The following PTTG1IP variants were observed in gnomAD, a reference collection of about 807,000 sequenced individuals.
PTTG1IP encodes pituitary tumor-transforming gene 1 protein-interacting protein.
PTTG1IP carries 16 observed loss-of-function variants against 24.4 expected under a neutral mutation model. The ratio of observed to expected loss-of-function variants is 0.66; its 90% confidence interval spans 0.44 to 1.00. PTTG1IP has a LOEUF of 1.00. Among genes scored for constraint, PTTG1IP ranks in the 50% least tolerant of loss-of-function variants. The pLI, the probability that PTTG1IP is intolerant of heterozygous loss-of-function variation, is 0.00. For synonymous variants in PTTG1IP, 89 were observed against 96.8 expected, an observed-to-expected ratio of 0.92 and a Z score of 0.47; for missense variants, 241 against 245.8, an observed-to-expected ratio of 0.98 and a Z score of 0.13.
intron 1 of PTTG1IP, 41 bp downstream of exon 1, chr21:44,873,460 GC>G: frequency 7.5e-7 from 1 of 1,335,106 alleles, no homozygotes; most frequent in Non-Finnish European, 9.5e-7. Flanking sequence ...CCCACCAGCC[GC>G]CCCGCCCCCT....
At chr21:44,868,424 C>T (rs2282113) in intron 1 of PTTG1IP, among the ~76,000 whole-genome samples, 28,929 of 152,150 alleles carry the variant, frequency 0.19, 3,425 homozygotes, top group South Asian at 0.3. Flanking sequence ...GTGGTTTCTA[C>T]GTGCTGTTCC....
Position 44,850,265 on chromosome 21 carries a change from C to T in PTTG1IP, c.*1316G>A, listed in dbSNP as rs1248465187. ...TCCCAAAGCAAAATGTTTTAAAATT[C>T]AAGGCAATCTGGAACAGGGACTATT... On this transcript the variant is annotated 3_prime_UTR_variant, in exon 6 of 6. Coordinates refer to ENST00000330938, the MANE Select transcript of PTTG1IP (RefSeq NM_004339.4). 3 of 152,214 alleles carry T rather than the reference C, an allele frequency of 2.0e-5. No homozygotes were observed. Among genetic ancestry groups the T allele is most frequent in the African/African-American group, 7.2e-5 (3 of 41,452 alleles). The allele number at this position is 152,214 out of a possible 1,614,324, so 9.4% of individuals were successfully genotyped here. A position where few individuals can be genotyped will look rare whatever the true frequency, so the allele number is the denominator to read the frequency against.
chr21:44,867,899 C>G (rs1323766591), intron 1 of PTTG1IP, among the ~76,000 whole-genome samples: 1 of 152,122 alleles, frequency 6.6e-6, no homozygotes, highest in South Asian at 2.1e-4. Flanking sequence ...TGTTGTGATC[C>G]TTCTATTTAA....
At chr21:44,855,135 C>T in intron 5 of PTTG1IP, 75 bp downstream of exon 5, 1 of 1,459,642 alleles carries the variant, frequency 6.9e-7, no homozygotes, top group Non-Finnish European at 9.6e-7. Context: ...TCAGGCCACA[C>T]TGGCACTAAC....
At chr21:44,862,593 T>C (rs945093593) in intron 2 of PTTG1IP, among the ~76,000 whole-genome samples, 12 of 152,228 alleles carry the variant, frequency 7.9e-5, no homozygotes, top group African/African-American at 2.9e-4. Flanking sequence ...AAGTCCAGAC[T>C]GCCTGTTACT....
rs763255609 is a variant in PTTG1IP at position 44,873,610 on chromosome 21, G to A, written c.7C>T (p.Pro3Ser). 7.0e-7 allele frequency: 1 copy of A among 1,433,984 alleles called. No homozygotes were observed. Among genetic ancestry groups the A allele is most frequent in the Non-Finnish European group, 9.1e-7 (1 of 1,095,988 alleles). 88.8% of individuals were successfully genotyped at this position (1,433,984 alleles called of 1,614,324 possible). A position where few individuals can be genotyped will look rare whatever the true frequency, so the allele number is the denominator to read the frequency against. Residue 3 changes from proline to serine, a missense_variant, in exon 1 of 6, where the codon CCC becomes TCC. By Grantham distance (74) the Pro-to-Ser change is moderately conservative. Transcript: ENST00000330938. ...GGCGTCGGCCCGCGGGCCACTCCGG[G>A]CGCCATGGTCGGCCGGTCGCTCTAT... MA[P>S]GVARGPTPYW... is the part of the protein sequence containing the mutation.
chr21:44,861,160 T>C lies in PTTG1IP; in HGVS notation c.277+3A>G. On this transcript the variant is annotated splice_donor_region_variant and intron_variant, in intron 3 of 5. Coordinates refer to ENST00000330938, the MANE Select transcript of PTTG1IP (RefSeq NM_004339.4). ...CAAGCAGCAAATGAAAACAATGACT[T>C]ACCCCAACAAACTCCCCAGCGTGCA... is the stretch of plus-strand genomic sequence containing the variant. 1 of 1,608,848 alleles carries C rather than the reference T, an allele frequency of 6.2e-7. No individual in the cohort carries two copies. Among genetic ancestry groups the C allele is most frequent in the South Asian group, 1.1e-5 (1 of 90,578 alleles).
chr21:44,865,736 T>A (rs1450935638), intron 1 of PTTG1IP: 2 of 537,186 alleles, frequency 3.7e-6, no homozygotes, highest in Non-Finnish European at 6.7e-6. Flanking sequence ...CACAGAAGGC[T>A]GTGTTTCAGA....
intron 1 of PTTG1IP, among the ~76,000 whole-genome samples, chr21:44,870,185 A>C (rs2083573020): frequency 6.6e-6 from 1 of 152,248 alleles, no homozygotes; most frequent in Non-Finnish European, 1.5e-5. Flanking sequence ...TCATGAAAAT[A>C]ACATCAAAGA....
At chr21:44,868,039 A>G (rs1242964583) in intron 1 of PTTG1IP, among the ~76,000 whole-genome samples, 2 of 152,232 alleles carry the variant, frequency 1.3e-5, no homozygotes, top group African/African-American at 4.8e-5. Flanking sequence ...GCGATGTGCT[A>G]TTCGGTTTAT....
Position 44,870,043 on chromosome 21 carries a change from G to C in PTTG1IP, c.115+3459C>G, listed in dbSNP as rs141897210. Reference sequence around the variant, plus strand: ...GTCAGACCCAGACCTCTGGATTACCGGTCAGTCTGAGTCAGCGGAGAGGCA... The same window carrying C: ...GTCAGACCCAGACCTCTGGATTACCCGTCAGTCTGAGTCAGCGGAGAGGCA... On this transcript the variant is annotated intron_variant, in intron 1 of 5. Coordinates refer to ENST00000330938, the MANE Select transcript of PTTG1IP (RefSeq NM_004339.4). Among the ~76,000 whole-genome samples, 50 of 152,238 alleles carry C rather than the reference G, an allele frequency of 3.3e-4. No homozygotes were observed. In the East Asian group the frequency reaches 9.5e-3, roughly 29 times the overall value.
chr21:44,863,658 C>T (rs1259625035), intron 2 of PTTG1IP, among the ~76,000 whole-genome samples: 1 of 152,208 alleles, frequency 6.6e-6, no homozygotes, highest in Non-Finnish European at 1.5e-5. Flanking sequence ...CAATAGTGAG[C>T]TATGTTTAAA....
rs529480608 is a variant in PTTG1IP, at chr21:44,862,506, T to A, written c.169-1235A>T. Among the ~76,000 whole-genome samples the A allele has an allele frequency of 5.4e-4, 82 of 150,914 alleles. 1 individual carries two copies. In the South Asian group the frequency reaches 0.017, roughly 31 times the overall value. On this transcript the variant is annotated intron_variant, in intron 2 of 5. Transcript: ENST00000330938. ...TGCACTCCAGCCTGGGCAACAAGAGTGAAACTCCGTCTCAAAAGGAAAAAA... is the reference window on the plus strand; with the variant it reads ...TGCACTCCAGCCTGGGCAACAAGAGAGAAACTCCGTCTCAAAAGGAAAAAA...
Position 44,851,086 on chromosome 21 carries a change from G to C in PTTG1IP, c.*495C>G. 2.6e-6 allele frequency: 1 copy of C among 383,230 alleles called. No homozygotes were observed. The highest frequency in any genetic ancestry group is 4.8e-6 in the Non-Finnish European group (1 of 209,354). 23.7% of individuals were successfully genotyped at this position (383,230 alleles called of 1,614,324 possible). On this transcript the variant is annotated 3_prime_UTR_variant, in exon 6 of 6. Coordinates refer to ENST00000330938, the MANE Select transcript of PTTG1IP (RefSeq NM_004339.4). ...TCAGCAAAAGCCGTGTGAGTCAACAGGTGTGAAGACTCAAGATGCGCACAC... is the reference window on the plus strand; with the variant it reads ...TCAGCAAAAGCCGTGTGAGTCAACACGTGTGAAGACTCAAGATGCGCACAC...
At position 44,865,406 on chromosome 21, in the gene PTTG1IP, T is replaced by G. The variant is rs1403413012; in HGVS notation, c.157A>C (p.Lys53Gln). ...CACGTGCTACTTACGGAGACGTTCT[T>G]CAGGCACTCTTCACAGGTTTTGTTT... Reference protein sequence around the residue: ...NTNKTCEECLKNVSCLWCNTN... With the variant: ...NTNKTCEECLQNVSCLWCNTN... Residue 53 changes from lysine to glutamine, a missense_variant, in exon 2 of 6, where the codon AAG (lysine) becomes CAG (glutamine). Coordinates refer to ENST00000330938, the MANE Select transcript of PTTG1IP (RefSeq NM_004339.4). 1 of 1,614,100 alleles carries G rather than the reference T, an allele frequency of 6.2e-7. No homozygotes were observed. Among genetic ancestry groups the G allele is most frequent in the East Asian group, 2.2e-5 (1 of 44,900 alleles).
At chr21:44,862,304 G>A (rs1057299751) in intron 2 of PTTG1IP, among the ~76,000 whole-genome samples, 13 of 152,340 alleles carry the variant, frequency 8.5e-5, no homozygotes, top group African/African-American at 2.6e-4. Flanking sequence ...CGGATCACCT[G>A]AGGTCAGAAG....
intron 1 of PTTG1IP, among the ~76,000 whole-genome samples, chr21:44,870,042 C>G (rs1026920031): frequency 6.6e-6 from 1 of 152,130 alleles, no homozygotes; most frequent in Admixed American, 6.5e-5. Flanking sequence ...TCTGGATTAC[C>G]GGTCAGTCTG....
At chr21:44,852,693 G>C (rs2083420010) in intron 5 of PTTG1IP, among the ~76,000 whole-genome samples, 1 of 152,130 alleles carries the variant, frequency 6.6e-6, no homozygotes, top group African/African-American at 2.4e-5. Flanking sequence ...TCGGTTTTGG[G>C]AAAGAGTCAT....
intron 2 of PTTG1IP, chr21:44,861,813 C>T: frequency 1.4e-6 from 1 of 717,546 alleles, no homozygotes; most frequent in Non-Finnish European, 2.6e-6. Flanking sequence ...CCCAAGAACA[C>T]AGGACACAGC....
Sources: gnomAD v4.1 joint callset for allele counts (sites outside exome capture counted in the v4.1 genomes callset) on GRCh38, gnomAD v4.1.1 for gene constraint, MANE v1.5 for transcripts, NCBI Gene and HGNC (gene_info 2026-07-23, HGNC 2026-07-21) for gene names.